Variants in OPCML observed in about 807,000 individuals in gnomAD.
The protein encoded by OPCML is opioid binding protein/cell adhesion molecule like, also known as opioid-binding protein/cell adhesion molecule.
In OPCML, 13 loss-of-function variants were observed where a neutral mutation model predicts 37.8. The ratio of observed to expected loss-of-function variants is 0.34; its 90% CI spans 0.22 to 0.55. The LOEUF (loss-of-function observed/expected upper bound fraction) is 0.55, where lower values mean the gene tolerates loss of function less well. OPCML is among the 20% of genes least tolerant of loss of function. The probability of loss-of-function intolerance (pLI) is 0.91; values close to 1 mark genes in which losing one functional copy is unlikely to be tolerated. For synonymous variants in OPCML, 176 were observed against 168.8 expected (o/e 1.04, Z -0.33); for missense variants, 341 against 435.6 (o/e 0.78, Z 1.93).
chr11:132,922,389 G>A (rs575800483), intron 2 of OPCML, among the ~76,000 whole-genome samples: 8 of 152,154 alleles, frequency 5.3e-5, no homozygotes, highest in African/African-American at 1.7e-4. Flanking sequence ...TCGCTTGAAC[G>A]AGAACTATGA....
chr11:132,506,041 A>T (rs1312785134), intron 4 of OPCML, among the ~76,000 whole-genome samples: 2 of 152,230 alleles, frequency 1.3e-5, no homozygotes, highest in Non-Finnish European at 2.9e-5. Flanking sequence ...TGGATTACTC[A>T]TACAATTACA....
At chr11:133,030,048 C>T (rs540893679) in intron 1 of OPCML, among the ~76,000 whole-genome samples, 47 of 152,214 alleles carry the variant, frequency 3.1e-4, no homozygotes, top group African/African-American at 1.1e-3. Context: ...GAGAGCTGCT[C>T]CCTGTCACAT....
chr11:132,866,327 C>T lies in OPCML; in HGVS notation c.146+76599G>A, dbSNP rs138701957. 9.2e-5 allele frequency among the ~76,000 whole-genome samples: 14 copies of T among 152,280 alleles called. No homozygotes were observed. In the East Asian group the frequency reaches 1.2e-3, roughly 13 times the overall value. On this transcript the variant is annotated intron_variant, in intron 2 of 7. Coordinates refer to ENST00000524381, the MANE Select transcript of OPCML (RefSeq NM_001012393.5). ...GCCACACCAAGGGGATGCTATAAAG[C>T]GCATCATGAAATCATCAAATGCTAC...
intron 1 of OPCML, among the ~76,000 whole-genome samples, chr11:133,503,975 G>A (rs941291015): frequency 6.6e-6 from 1 of 152,200 alleles, no homozygotes; most frequent in Non-Finnish European, 1.5e-5. Flanking sequence ...AAGGACAAGA[G>A]AGCTCCAGAT....
Position 133,303,785 on chromosome 11 carries a change from A to C in OPCML, c.61+228479T>G, listed in dbSNP as rs1006976720. ...AGAACTCCAGAAAGTTTGTAGAAAC[A>C]AAAAAAAAGGTGGAAGACACTGTTG... is the stretch of plus-strand genomic sequence containing the variant. On this transcript the variant is annotated intron_variant, in intron 1 of 7. Coordinates refer to ENST00000524381, the MANE Select transcript of OPCML (RefSeq NM_001012393.5). Among the ~76,000 whole-genome samples the C allele has an allele frequency of 1.3e-4, 13 of 103,860 alleles. 1 individual carries two copies. The highest frequency in any genetic ancestry group is 5.5e-4 in the Admixed American group (6 of 10,830). 68.1% of individuals were successfully genotyped at this position (103,860 alleles called of 152,430 possible).
chr11:132,602,928 GGTCCACCTTGT>G (rs1938022888), intron 3 of OPCML, among the ~76,000 whole-genome samples: 1 of 152,156 alleles, frequency 6.6e-6, no homozygotes, highest in Admixed American at 6.5e-5. Flanking sequence ...GCATCATGGG[GGTCCACCTTGT>G]GCTTTGACTG....
intron 1 of OPCML, among the ~76,000 whole-genome samples, chr11:132,994,988 G>C (rs1167599985): frequency 2.6e-5 from 4 of 152,164 alleles, no homozygotes; most frequent in Non-Finnish European, 4.4e-5. Context: ...ACTCCTTATA[G>C]GTCACATGGT....
At chr11:132,710,045 A>C (rs1944199023) in intron 2 of OPCML, among the ~76,000 whole-genome samples, 2 of 152,176 alleles carry the variant, frequency 1.3e-5, no homozygotes, top group Non-Finnish European at 2.9e-5. Flanking sequence ...AATATTCCCC[A>C]TTTATAATCT....
intron 4 of OPCML, among the ~76,000 whole-genome samples, chr11:132,504,969 C>A (rs903435358): frequency 6.6e-6 from 1 of 151,958 alleles, no homozygotes; most frequent in Non-Finnish European, 1.5e-5. Context: ...TCAATGAGTG[C>A]CCCCCAAGCC....
At chr11:132,923,942 T>C (rs1944900277) in intron 2 of OPCML, among the ~76,000 whole-genome samples, 2 of 151,914 alleles carry the variant, frequency 1.3e-5, no homozygotes, top group African/African-American at 4.8e-5. Context: ...TTTGTATCTT[T>C]AGGAGAGATG....
At chr11:133,422,739 A>G in intron 1 of OPCML, 1 of 965,294 alleles carries the variant, frequency 1.0e-6, no homozygotes, top group Non-Finnish European at 1.2e-6. Flanking sequence ...CAGTCTGTGT[A>G]ACATTTCAAA....
At chr11:133,157,848 C>T (rs1370779262) in intron 1 of OPCML, among the ~76,000 whole-genome samples, 2 of 152,142 alleles carry the variant, frequency 1.3e-5, no homozygotes, top group African/African-American at 2.4e-5. Flanking sequence ...TCCTCTTCTG[C>T]GTTGATGCAA....
chr11:133,264,633 T>C (rs1008161033), intron 1 of OPCML, among the ~76,000 whole-genome samples: 2 of 152,104 alleles, frequency 1.3e-5, no homozygotes, highest in African/African-American at 4.8e-5. Flanking sequence ...AGAGCACATA[T>C]GGCAATTTTA....
At chr11:132,438,550 A>T (rs1345373677) in intron 4 of OPCML, among the ~76,000 whole-genome samples, 2 of 151,534 alleles carry the variant, frequency 1.3e-5, no homozygotes, top group East Asian at 3.9e-4. Flanking sequence ...GATGGTGTGC[A>T]AGTGTATAGG....
intron 2 of OPCML, among the ~76,000 whole-genome samples, chr11:132,694,085 C>T (rs1253112138): frequency 6.8e-6 from 1 of 148,094 alleles, no homozygotes; most frequent in African/African-American, 2.5e-5. Context: ...TCTCACAGTT[C>T]TGCCATATCT....
intron 1 of OPCML, among the ~76,000 whole-genome samples, chr11:132,974,860 C>T (rs537086329): frequency 6.6e-6 from 1 of 151,476 alleles, no homozygotes; most frequent in African/African-American, 2.4e-5. Flanking sequence ...GCAAGATTAC[C>T]TTCTTCTGCT....
intron 3 of OPCML, among the ~76,000 whole-genome samples, chr11:132,553,107 T>C (rs2096386147): frequency 6.6e-6 from 1 of 152,214 alleles, no homozygotes; most frequent in Non-Finnish European, 1.5e-5. Context: ...CTTTCCGCTA[T>C]TGATGTGCTT....
At position 133,314,468 on chromosome 11, in the gene OPCML, C is replaced by T. The variant is rs1943154118; in HGVS notation, c.61+217796G>A. 2.6e-5 allele frequency among the ~76,000 whole-genome samples: 4 copies of T among 151,020 alleles called. 1 individual carries two copies. The South Asian group carries it at 8.3e-4, about 31-fold the overall frequency. ...AAACTTCTGTGGATATTTTTTTGCC[C>T]CAGAACCATGGATTGGCTTCTGCAC... is the stretch of plus-strand genomic sequence containing the variant. On this transcript the variant is annotated intron_variant, in intron 1 of 7. Transcript: ENST00000524381.
At chr11:132,935,710 C>G (rs756748716) in intron 2 of OPCML, among the ~76,000 whole-genome samples, 1 of 152,188 alleles carries the variant, frequency 6.6e-6, no homozygotes, top group Non-Finnish European at 1.5e-5. Flanking sequence ...ATGGCAAGGC[C>G]TGCGCTCTCT....
Sources: allele counts gnomAD v4.1 joint callset (sites outside exome capture counted in the v4.1 genomes callset), GRCh38; gene constraint gnomAD v4.1.1; transcripts MANE v1.5; gene names NCBI Gene and HGNC (gene_info 2026-07-23, HGNC 2026-07-21).